The following ANXA6 variants were observed in gnomAD, a reference collection of about 807,000 sequenced individuals.
The protein encoded by ANXA6 is annexin A6.
A neutral mutation model predicts 95.4 loss-of-function variants in ANXA6; 71 were observed. The ratio of observed to expected loss-of-function variants is 0.74; its 90% CI spans 0.61 to 0.91. The LOEUF is 0.91. ANXA6 is among the 40% of genes least tolerant of loss of function. The probability of loss-of-function intolerance (pLI) is 0.00; values close to 1 mark genes in which losing one functional copy is unlikely to be tolerated. For synonymous variants in ANXA6, 289 were observed against 315.9 expected (o/e 0.91, Z 0.90); for missense variants, 830 against 876.4 (o/e 0.95, Z 0.67).
intron 22 of ANXA6, among the ~76,000 whole-genome samples, chr5:151,108,971 A>G (rs1190052524): frequency 1.3e-5 from 2 of 152,196 alleles, no homozygotes; most frequent in Non-Finnish European, 2.9e-5. Context: ...AACACTCAGG[A>G]AACACTCACT....
At chr5:151,139,711 G>A (rs917221938) in intron 3 of ANXA6, among the ~76,000 whole-genome samples, 2 of 152,198 alleles carry the variant, frequency 1.3e-5, no homozygotes, top group African/African-American at 4.8e-5. Context: ...TTAAGGCCCA[G>A]AGAGGGGCAA....
chr5:151,125,809 G>A (rs894443856), intron 14 of ANXA6, among the ~76,000 whole-genome samples: 2 of 152,148 alleles, frequency 1.3e-5, no homozygotes, highest in African/African-American at 4.8e-5. Flanking sequence ...AGAGATCACC[G>A]AGATTGCCAT....
intron 4 of ANXA6, 153 bp downstream of exon 4, chr5:151,139,200 G>A (rs990446697): frequency 2.1e-5 from 13 of 616,146 alleles, no homozygotes; most frequent in Middle Eastern, 3.6e-4. Flanking sequence ...GCTGAAAGAC[G>A]CCCAGCTGAT....
chr5:151,127,107 G>GC (rs759155604), intron 13 of ANXA6, among the ~76,000 whole-genome samples: 5 of 152,306 alleles, frequency 3.3e-5, no homozygotes, highest in Non-Finnish European at 5.9e-5. Context: ...TTCTTCCTTA[G>GC]AATTTGAATG....
chr5:151,110,608 TGAA>T lies in ANXA6; in HGVS notation c.1590+16_1590+18del. 6.2e-7 allele frequency: 1 copy of T among 1,612,266 alleles called. No homozygotes were observed. Among genetic ancestry groups the T allele is most frequent in the Non-Finnish European group, 8.5e-7 (1 of 1,179,012 alleles). ...TACTCAGAGGCCGTTAAAACCCAAATGAAGAACAGGACACTCACCAAGATCTCA... is the reference window on the plus strand; with the variant it reads ...TACTCAGAGGCCGTTAAAACCCAAATGAACAGGACACTCACCAAGATCTCA... On this transcript the variant is annotated intron_variant, in intron 21 of 25. Transcript: ENST00000354546.
chr5:151,114,097 G>A (rs552114565), intron 20 of ANXA6, among the ~76,000 whole-genome samples: 1 of 152,344 alleles, frequency 6.6e-6, no homozygotes, highest in East Asian at 1.9e-4. Flanking sequence ...TGGAGAGACA[G>A]AAAGTAGATT....
chr5:151,111,810 A>G (rs1426435801), intron 20 of ANXA6, among the ~76,000 whole-genome samples: 1 of 151,792 alleles, frequency 6.6e-6, no homozygotes, highest in East Asian at 1.9e-4. Flanking sequence ...TCTAGCCTCA[A>G]GCAATCCTCC....
At chr5:151,124,412 C>T (rs1765257536) in intron 14 of ANXA6, 45 bp from the exon 15 acceptor site, 3 of 1,561,882 alleles carry the variant, frequency 1.9e-6, no homozygotes, top group Middle Eastern at 1.7e-4. Flanking sequence ...GAAGGCCCCC[C>T]TGGGGACCAG....
Position 151,108,492 on chromosome 5 carries a change from C to G in ANXA6, c.1743G>C (p.Glu581Asp). 1 of 1,614,002 alleles carries G rather than the reference C, an allele frequency of 6.2e-7. No homozygotes were observed. Reference sequence around the variant, plus strand: ...ATGCATCCCTGACATCCCCAGACATCTCCTTCTTGATGGTGTGCTCCACGT... The same window carrying G: ...ATGCATCCCTGACATCCCCAGACATGTCCTTCTTGATGGTGTGCTCCACGT... ...NYDVEHTIKK[E>D]MSGDVRDAFV... is the part of the protein sequence containing the mutation. The change falls in exon 23 of 26, where the codon GAG becomes GAC. Residue 581 changes from glutamate to aspartate, a missense_variant. Coordinates refer to ENST00000354546, the MANE Select transcript of ANXA6 (RefSeq NM_001155.5).
intron 14 of ANXA6, among the ~76,000 whole-genome samples, chr5:151,124,623 C>A (rs1765265039): frequency 6.6e-6 from 1 of 152,158 alleles, no homozygotes; most frequent in Non-Finnish European, 1.5e-5. Flanking sequence ...CAGGGCAAGT[C>A]CTGATCAAGA....
chr5:151,122,697 C>T (rs1765203756), intron 16 of ANXA6, among the ~76,000 whole-genome samples: 1 of 152,186 alleles, frequency 6.6e-6, no homozygotes, highest in Non-Finnish European at 1.5e-5. Flanking sequence ...GTCCACTGAG[C>T]AACTCACACA....
chr5:151,103,995 T>C (rs984504780), intron 24 of ANXA6, among the ~76,000 whole-genome samples: 1 of 152,204 alleles, frequency 6.6e-6, no homozygotes, highest in African/African-American at 2.4e-5. Flanking sequence ...GATGAAGGCA[T>C]ACTGAATTAG....
rs185638838 is a variant in ANXA6 at position 151,114,577 on chromosome 5, G to A, written c.1572+2550C>T. Among the ~76,000 whole-genome samples, 334 of 127,974 alleles carry A rather than the reference G, an allele frequency of 2.6e-3. 1 individual carries two copies. Among genetic ancestry groups the A allele is most frequent in the African/African-American group, 9.8e-3 (322 of 33,022 alleles). 84.0% of individuals were successfully genotyped at this position (127,974 alleles called of 152,430 possible). On this transcript the variant is annotated intron_variant, in intron 20 of 25. Coordinates refer to ENST00000354546, the MANE Select transcript of ANXA6 (RefSeq NM_001155.5). ...TGCAGTGAGCCAAGATTGCGCCACC[G>A]CACTCCAGCCTGGGCAACAGAGCGA... is the stretch of plus-strand genomic sequence containing the variant.
At chr5:151,111,626 T>A (rs1489299063) in intron 20 of ANXA6, among the ~76,000 whole-genome samples, 2 of 152,238 alleles carry the variant, frequency 1.3e-5, no homozygotes, top group African/African-American at 4.8e-5. Context: ...TCTTGCTCTG[T>A]TGCCCAGGCT....
At position 151,140,144 on chromosome 5, in the gene ANXA6, G is replaced by A; in HGVS notation, c.109+9C>T. 3 of 1,613,614 alleles carry A rather than the reference G, an allele frequency of 1.9e-6. No homozygotes were observed. The highest frequency in any genetic ancestry group is 2.5e-6 in the Non-Finnish European group (3 of 1,179,634). ...TACCCCTCAAGCTCCCATGAAGCCT[G>A]GCACCCACCAAAGCCCTTCATGGCA... On this transcript the variant is annotated intron_variant, in intron 3 of 25. Coordinates refer to ENST00000354546, the MANE Select transcript of ANXA6 (RefSeq NM_001155.5).
intron 8 of ANXA6, 46 bp downstream of exon 8, chr5:151,134,381 A>G: frequency 6.2e-7 from 1 of 1,604,964 alleles, no homozygotes; most frequent in East Asian, 2.2e-5. Flanking sequence ...TCCCCTCCCA[A>G]GGCTCTTCTG....
intron 2 of ANXA6, chr5:151,141,676 C>A: frequency 1.0e-6 from 1 of 985,466 alleles, no homozygotes; most frequent in Non-Finnish European, 1.2e-6. Flanking sequence ...GCTGGCTCCT[C>A]TGAGGTATGC....
intron 7 of ANXA6, among the ~76,000 whole-genome samples, chr5:151,135,438 G>C (rs1765631382): frequency 1.3e-5 from 2 of 152,202 alleles, no homozygotes; most frequent in Admixed American, 6.5e-5. Context: ...GCAATGAGAG[G>C]AACAGAGTTG....
At chr5:151,148,462 C>T (rs1413288053) in intron 1 of ANXA6, among the ~76,000 whole-genome samples, 1 of 152,212 alleles carries the variant, frequency 6.6e-6, no homozygotes, top group Non-Finnish European at 1.5e-5. Flanking sequence ...AGATAGGACT[C>T]AAAGTGCTTC....
Sources: gnomAD v4.1 joint callset for allele counts (sites outside exome capture counted in the v4.1 genomes callset) on GRCh38, gnomAD v4.1.1 for gene constraint, MANE v1.5 for transcripts, NCBI Gene and HGNC (gene_info 2026-07-23, HGNC 2026-07-21) for gene names.